TMPO: variants seen among roughly 807,000 people sequenced by gnomAD.
TMPO encodes thymopoietin, also known as LEM domain containing 4.
Under a neutral mutation model 45.4 loss-of-function variants are expected in TMPO, and 22 were observed. That is an observed-to-expected ratio of 0.48 (90% CI 0.35 to 0.69). The LOEUF (loss-of-function observed/expected upper bound fraction) is 0.69, where lower values mean the gene tolerates loss of function less well. TMPO is among the 30% of genes least tolerant of loss of function. TMPO has a pLI of 0.01. For synonymous variants in TMPO, 241 were observed against 204.1 expected, an observed-to-expected ratio of 1.18 and a Z score of -1.54; for missense variants, 512 against 548.8, an observed-to-expected ratio of 0.93 and a Z score of 0.67.
At chr12:98,547,100 G>C (rs1402054326) in intron 8 of TMPO, among the ~76,000 whole-genome samples, 3 of 144,414 alleles carry the variant, frequency 2.1e-5, no homozygotes, top group Admixed American at 1.4e-4. Context: ...TTTTGAGACG[G>C]AGTTTTGCTC....
intron 7 of TMPO, among the ~76,000 whole-genome samples, 200 bp downstream of exon 7, chr12:98,545,261 G>A (rs954248900): frequency 4.6e-5 from 7 of 150,784 alleles, no homozygotes; most frequent in Admixed American, 2.7e-4. Context: ...AGTTTGACAT[G>A]CTAATACTAT....
At chr12:98,547,236 C>T (rs757463141) in intron 8 of TMPO, among the ~76,000 whole-genome samples, 4 of 151,994 alleles carry the variant, frequency 2.6e-5, no homozygotes, top group South Asian at 2.1e-4. Context: ...CCATCATGCC[C>T]GGCTAATTTT....
Position 98,515,808 on chromosome 12 carries a change from C to G in TMPO, c.-60C>G. 1 of 1,566,858 alleles carries G rather than the reference C, an allele frequency of 6.4e-7. No homozygotes were observed. The highest frequency in any genetic ancestry group is 1.2e-5 in the South Asian group (1 of 86,060). ...AGCGCGGTCCCCGGCCAGGAGCAAG[C>G]GCGCCGGCGTGAGCGGCGGCGGCAA... On this transcript the variant is annotated 5_prime_UTR_variant, in exon 1 of 9. Coordinates refer to ENST00000556029, the MANE Select transcript of TMPO (RefSeq NM_001032283.3).
chr12:98,526,450 T>G (rs1876767370), intron 1 of TMPO, among the ~76,000 whole-genome samples: 1 of 152,236 alleles, frequency 6.6e-6, no homozygotes. Flanking sequence ...TCTAGATTAC[T>G]TATAACGCCT....
intron 2 of TMPO, among the ~76,000 whole-genome samples, chr12:98,531,042 A>C (rs1877154333): frequency 6.6e-6 from 1 of 152,156 alleles, no homozygotes; most frequent in Non-Finnish European, 1.5e-5. Flanking sequence ...TCCTGGGTTC[A>C]GTTCTCCTGC....
At chr12:98,530,089 A>G (rs1877081845) in intron 2 of TMPO, among the ~76,000 whole-genome samples, 1 of 152,104 alleles carries the variant, frequency 6.6e-6, no homozygotes, top group Non-Finnish European at 1.5e-5. Flanking sequence ...TGTAATCCCA[A>G]CACTTTGGGA....
intron 4 of TMPO, among the ~76,000 whole-genome samples, chr12:98,541,355 A>G (rs187942821): frequency 1.3e-5 from 2 of 152,296 alleles, no homozygotes; most frequent in Non-Finnish European, 2.9e-5. Flanking sequence ...ATTAATGGTG[A>G]TATTTCAAAT....
At chr12:98,527,587 G>T in intron 1 of TMPO, 6 of 212,604 alleles carry the variant, frequency 2.8e-5, no homozygotes, top group Admixed American at 5.7e-5. Flanking sequence ...TTTACTTTTA[G>T]TTGCTCTTTT....
chr12:98,542,154 G>A (rs1051033385), intron 4 of TMPO, among the ~76,000 whole-genome samples: 1 of 152,142 alleles, frequency 6.6e-6, no homozygotes, highest in African/African-American at 2.4e-5. Flanking sequence ...TTGGGGAAGC[G>A]TACCAGTAAA....
intron 2 of TMPO, among the ~76,000 whole-genome samples, chr12:98,529,559 C>G (rs1877036199): frequency 1.3e-5 from 2 of 152,040 alleles, no homozygotes. Flanking sequence ...TGAGAAAATT[C>G]CATTTTATTA....
chr12:98,535,457 A>G (rs1877512844), intron 3 of TMPO: 1 of 985,382 alleles, frequency 1.0e-6, no homozygotes, highest in Non-Finnish European at 1.2e-6. Flanking sequence ...CCCTCTGGCC[A>G]TTACCACATT....
rs549257131 is a variant in TMPO, at chr12:98,515,948, G to T, written c.81G>T (p.Leu27=). The change falls in exon 1 of 9, where the codon CTG becomes CTT. Residue 27 remains leucine, a synonymous_variant. Transcript: ENST00000556029. ...AGTTGGTCGCCAACAATGTGACGCTGCCGGCCGGGGAGCAGCGCAAAGACG... is the reference window on the plus strand; with the variant it reads ...AGTTGGTCGCCAACAATGTGACGCTTCCGGCCGGGGAGCAGCGCAAAGACG... The part of the protein sequence containing the change: ...KSELVANNVT[L]PAGEQRKDVY... 74 of 1,613,468 alleles carry T rather than the reference G, an allele frequency of 4.6e-5. 3 individuals are homozygous for T. In the South Asian group the frequency reaches 7.7e-4, roughly 17 times the overall value.
chr12:98,525,624 C>T (rs887396296), intron 1 of TMPO, among the ~76,000 whole-genome samples: 2 of 151,788 alleles, frequency 1.3e-5, no homozygotes, highest in Non-Finnish European at 2.9e-5. Flanking sequence ...ACCTGTAATC[C>T]CAGCTACTCA....
rs556600160 is a variant in TMPO at position 98,519,162 on chromosome 12, G to T, written c.279+3016G>T. 3.9e-5 allele frequency among the ~76,000 whole-genome samples: 6 copies of T among 152,214 alleles called. No homozygotes were observed. In the East Asian group the frequency reaches 1.2e-3, roughly 29 times the overall value. On this transcript the variant is annotated intron_variant, in intron 1 of 8. Transcript: ENST00000556029. ...TTCTCAAAGTGCTGGGATTACAGGCGTGAGCCACCGCGCCCAGCCAAAATG... is the reference window on the plus strand; with the variant it reads ...TTCTCAAAGTGCTGGGATTACAGGCTTGAGCCACCGCGCCCAGCCAAAATG...
chr12:98,533,662 C>T (rs373861992), intron 3 of TMPO: 8 of 1,614,200 alleles, frequency 5.0e-6, no homozygotes, highest in East Asian at 4.5e-5. Flanking sequence ...CTCTCATTCA[C>T]TCACTACCTT....
chr12:98,528,589 C>A (rs1876958820), intron 2 of TMPO, among the ~76,000 whole-genome samples: 1 of 151,356 alleles, frequency 6.6e-6, no homozygotes, highest in African/African-American at 2.4e-5. Context: ...TTATATCGTA[C>A]TTCTGCTGAG....
chr12:98,535,759 G>C, intron 3 of TMPO: 1 of 687,710 alleles, frequency 1.5e-6, no homozygotes, highest in South Asian at 6.5e-5. Flanking sequence ...CATTTCAGTG[G>C]TATAATTGAA....
chr12:98,534,827 A>T (rs377237104), intron 3 of TMPO: 5 of 1,002,942 alleles, frequency 5.0e-6, no homozygotes, highest in South Asian at 4.3e-5. Flanking sequence ...ATATTTTCTT[A>T]CTTTTCTTTG....
At chr12:98,531,651 G>A in intron 2 of TMPO, 29 bp from the exon 3 acceptor site, 1 of 1,610,722 alleles carries the variant, frequency 6.2e-7, no homozygotes, top group Non-Finnish European at 8.5e-7. Context: ...AACAATACAG[G>A]TACTAAAGCA....
Sources: allele counts gnomAD v4.1 joint callset (sites outside exome capture counted in the v4.1 genomes callset), GRCh38; gene constraint gnomAD v4.1.1; transcripts MANE v1.5; gene names NCBI Gene and HGNC (gene_info 2026-07-23, HGNC 2026-07-21).